Variants in TFPI observed in about 807,000 individuals in gnomAD.
TFPI encodes anti-convertin.
Under a neutral mutation model 34.6 loss-of-function variants are expected in TFPI, and 15 were observed. The ratio of observed to expected loss-of-function variants is 0.43; its 90% CI spans 0.29 to 0.67. The LOEUF (loss-of-function observed/expected upper bound fraction) is 0.67, where lower values mean the gene tolerates loss of function less well. TFPI is among the 30% of genes least tolerant of loss of function. The pLI, the probability that TFPI is intolerant of heterozygous loss-of-function variation, is 0.15. For synonymous variants in TFPI, 105 were observed against 120.1 expected (o/e 0.87, Z 0.82); for missense variants, 301 against 364.0 (o/e 0.83, Z 1.41).
chr2:187,524,810 T>C (rs1687594537), intron 1 of TFPI, among the ~76,000 whole-genome samples: 1 of 152,098 alleles, frequency 6.6e-6, no homozygotes, highest in Non-Finnish European at 1.5e-5. Context: ...TGACATAGAT[T>C]TAACATTTTT....
chr2:187,514,026 T>C (rs1204085869), intron 1 of TFPI: 1 of 152,172 alleles, frequency 6.6e-6, no homozygotes, highest in African/African-American at 2.4e-5. Context: ...CAGTGCCAAC[T>C]AGGAGTCTTG....
intron 6 of TFPI, among the ~76,000 whole-genome samples, chr2:187,469,437 C>T (rs1691904628): frequency 6.6e-6 from 1 of 151,954 alleles, no homozygotes; most frequent in Non-Finnish European, 1.5e-5. Flanking sequence ...TTATGTTTTA[C>T]CTTCTCCTAT....
At chr2:187,479,099 A>G (rs1033518380) in intron 6 of TFPI, among the ~76,000 whole-genome samples, 5 of 152,104 alleles carry the variant, frequency 3.3e-5, no homozygotes, top group African/African-American at 1.2e-4. Flanking sequence ...TAGGTGGGGA[A>G]AATAACATAA....
At chr2:187,469,695 C>G (rs1331537389) in intron 6 of TFPI, among the ~76,000 whole-genome samples, 2 of 152,078 alleles carry the variant, frequency 1.3e-5, no homozygotes, top group Non-Finnish European at 2.9e-5. Flanking sequence ...CATTAGATCT[C>G]TAGGCTTATT....
intron 1 of TFPI, among the ~76,000 whole-genome samples, chr2:187,546,307 A>T (rs1244594290): frequency 6.7e-6 from 1 of 150,242 alleles, no homozygotes; most frequent in Non-Finnish European, 1.5e-5. Context: ...TTTCAGAAAA[A>T]GATTACATTG....
chr2:187,488,390 A>G lies in TFPI; in HGVS notation c.320-15T>C, dbSNP rs199935112. ...GTTTGCATTATCTGTAATCAAAAGA[A>G]TATATGCATATCAATTGTCACAATT... On this transcript the variant is annotated splice_polypyrimidine_tract_variant and intron_variant, in intron 3 of 7. Coordinates refer to ENST00000233156, the MANE Select transcript of TFPI (RefSeq NM_006287.6). 5 of 1,476,300 alleles carry G rather than the reference A, an allele frequency of 3.4e-6. No individual in the cohort carries two copies. The Admixed American group carries it at 9.0e-5, about 27-fold the overall frequency. 91.5% of individuals were successfully genotyped at this position (1,476,300 alleles called of 1,614,324 possible). A position where few individuals can be genotyped will look rare whatever the true frequency, so the allele number is the denominator to read the frequency against.
chr2:187,484,751 T>C (rs954434488), intron 5 of TFPI, 60 bp downstream of exon 5: 2 of 1,469,344 alleles, frequency 1.4e-6, no homozygotes, highest in Non-Finnish European at 1.8e-6. Context: ...CCATCTGAGA[T>C]GCCTTAGTTT....
intron 1 of TFPI, among the ~76,000 whole-genome samples, chr2:187,507,494 T>A (rs1380026012): frequency 6.6e-6 from 1 of 152,182 alleles, no homozygotes; most frequent in African/African-American, 2.4e-5. Context: ...AACAACAGTA[T>A]AAAAGAGTTT....
rs1042124393 is a variant in TFPI at position 187,484,550 on chromosome 2, T to C, written c.535+261A>G. The C allele has an allele frequency of 2.1e-5, 10 of 484,278 alleles. No individual in the cohort carries two copies. In the Admixed American group the frequency reaches 3.6e-4, roughly 18 times the overall value. The allele number at this position is 484,278 out of a possible 1,614,324, so 30.0% of individuals were successfully genotyped here. On this transcript the variant is annotated intron_variant, in intron 5 of 7. Transcript: ENST00000233156. ...AATGTGAAAGATTTCAGCAATTCTA[T>C]TGTGCCAAAATTGTACTGCAGTATT...
intron 6 of TFPI, among the ~76,000 whole-genome samples, chr2:187,479,778 A>T (rs978982776): frequency 1.5e-4 from 23 of 151,440 alleles, no homozygotes; most frequent in Non-Finnish European, 3.2e-4. Flanking sequence ...GAATCTAACC[A>T]TGAAGGATTG....
chr2:187,514,593 G>A (rs35612915), intron 1 of TFPI: 34,833 of 152,098 alleles, frequency 0.23, 4,121 homozygotes, highest in Middle Eastern at 0.28. Flanking sequence ...TTATCAATCA[G>A]TCAGCCCTGG....
At chr2:187,490,096 G>A (rs932173079) in intron 3 of TFPI, among the ~76,000 whole-genome samples, 7 of 151,456 alleles carry the variant, frequency 4.6e-5, no homozygotes, top group African/African-American at 1.7e-4. Flanking sequence ...CCCAAAATTT[G>A]CATTTGGTTG....
At position 187,521,743 on chromosome 2, in the gene TFPI, A is replaced by G. The variant is rs142646125; in HGVS notation, c.-2-17973T>C. 7.7e-4 allele frequency among the ~76,000 whole-genome samples: 117 copies of G among 151,786 alleles called. 2 individuals are homozygous for G. The East Asian group carries it at 0.021, about 28-fold the overall frequency. ...GCCACCATGCCTGGCTAATTTTTGT[A>G]TTTTTAGTAGAGACAGGGTTTCACC... On this transcript the variant is annotated intron_variant, in intron 1 of 7. Coordinates refer to ENST00000233156, the MANE Select transcript of TFPI (RefSeq NM_006287.6).
chr2:187,478,804 C>A (rs747620356), intron 6 of TFPI: 23 of 1,609,776 alleles, frequency 1.4e-5, no homozygotes, highest in Non-Finnish European at 1.9e-5. Flanking sequence ...TCTTTTGTAA[C>A]TGTGGATCAC....
intron 6 of TFPI, among the ~76,000 whole-genome samples, chr2:187,481,583 A>C (rs1692858327): frequency 6.6e-6 from 1 of 151,436 alleles, no homozygotes; most frequent in Non-Finnish European, 1.5e-5. Flanking sequence ...TGCCATCCTT[A>C]ATATCAAATG....
chr2:187,500,501 A>G (rs1302796350), intron 2 of TFPI, among the ~76,000 whole-genome samples: 1 of 152,162 alleles, frequency 6.6e-6, no homozygotes, highest in Non-Finnish European at 1.5e-5. Context: ...TTTTAATTAT[A>G]TAATTTCCAC....
intron 6 of TFPI, among the ~76,000 whole-genome samples, chr2:187,473,327 A>G (rs8176564): frequency 0.011 from 1,676 of 152,188 alleles, 23 homozygotes; most frequent in African/African-American, 0.038. Context: ...TTACAAAAAG[A>G]TACTTTTATG....
intron 6 of TFPI, among the ~76,000 whole-genome samples, chr2:187,482,367 A>G (rs1464767656): frequency 6.6e-6 from 1 of 152,094 alleles, no homozygotes; most frequent in Non-Finnish European, 1.5e-5. Flanking sequence ...AAAACAAAAT[A>G]CGAGTGAAAA....
intron 6 of TFPI, among the ~76,000 whole-genome samples, chr2:187,469,081 G>GA (rs1313018585): frequency 1.3e-5 from 2 of 151,202 alleles, no homozygotes; most frequent in Non-Finnish European, 3.0e-5. Context: ...AACAAAGTGA[G>GA]AAAAAAATGA....
Sources: gnomAD v4.1 joint callset for allele counts (sites outside exome capture counted in the v4.1 genomes callset) on GRCh38, gnomAD v4.1.1 for gene constraint, MANE v1.5 for transcripts, NCBI Gene and HGNC (gene_info 2026-07-23, HGNC 2026-07-21) for gene names.